CFHR5: variants seen among roughly 807,000 people sequenced by gnomAD.
CFHR5 encodes the protein complement factor H-related protein 5.
In CFHR5, 73 loss-of-function variants were observed where a neutral mutation model predicts 62.9. That is an observed-to-expected ratio of 1.16 (90% CI 0.96 to 1.41). The LOEUF (loss-of-function observed/expected upper bound fraction) is 1.41, where lower values mean the gene tolerates loss of function less well. CFHR5 is among the 40% of genes most tolerant of loss of function. The pLI, the probability that CFHR5 is intolerant of heterozygous loss-of-function variation, is 0.00. For missense variants in CFHR5, 779 were observed against 679.9 expected, an observed-to-expected ratio of 1.15 and a Z score of -1.62; for synonymous variants, 249 against 227.2, an observed-to-expected ratio of 1.10 and a Z score of -0.86.
Position 196,996,063 on chromosome 1 carries a change from G to C in CFHR5, c.832G>C (p.Gly278Arg). 6.2e-7 allele frequency: 1 copy of C among 1,613,802 alleles called. No individual in the cohort carries two copies. Among genetic ancestry groups the C allele is most frequent in the Non-Finnish European group, 8.5e-7 (1 of 1,179,810 alleles). ...TCGYIPELEY[G>R]YVQPSVPPYQ... ...TGGATACATACCTGAACTCGAGTAC[G>C]GTTATGTTCAGCCGTCTGTCCCTCC... Residue 278 changes from glycine to arginine, a missense_variant, in exon 6 of 10, where the codon GGT becomes CGT. Gly to Arg is a moderately radical substitution (Grantham distance 125). Transcript: ENST00000256785.
chr1:197,008,622 C>T lies in CFHR5; in HGVS notation c.1649C>T (p.Ser550Leu), dbSNP rs890060392. The T allele has an allele frequency of 1.9e-6, 3 of 1,613,672 alleles. No homozygotes were observed. Among genetic ancestry groups the T allele is most frequent in the Non-Finnish European group, 2.5e-6 (3 of 1,179,792 alleles). Residue 550 changes from serine to leucine, a missense_variant, in exon 10 of 10, where the codon TCA (serine) becomes TTA (leucine). By Grantham distance (145) the Ser-to-Leu change is moderately radical. Coordinates refer to ENST00000256785, the MANE Select transcript of CFHR5 (RefSeq NM_030787.4). ...AAATTCCCACATAAAGCGATGATAT[C>T]ATCACCACCATTTCGAGCAATCTGT... The part of the protein sequence containing the change: ...QCKFPHKAMI[S>L]SPPFRAICQE...
At chr1:197,007,784 T>A (rs867988349) in intron 9 of CFHR5, among the ~76,000 whole-genome samples, 12 of 147,208 alleles carry the variant, frequency 8.2e-5, no homozygotes, top group Non-Finnish European at 1.8e-4. Context: ...ATGTATAATA[T>A]ATTATATTAT....
chr1:196,990,794 G>T (rs1480035481), intron 3 of CFHR5, among the ~76,000 whole-genome samples: 2 of 152,088 alleles, frequency 1.3e-5, no homozygotes, highest in African/African-American at 2.4e-5. Flanking sequence ...CTCTCTGGCT[G>T]CCATTAACAT....
In CFHR5 at chr1:196,983,914, T is replaced by A. The variant is rs1039021834; in HGVS notation, c.254-47T>A. 8.8e-6 allele frequency: 12 copies of A among 1,360,604 alleles called. No individual in the cohort carries two copies. The African/African-American group carries it at 1.4e-4, about 16-fold the overall frequency. 84.3% of individuals were successfully genotyped at this position (1,360,604 alleles called of 1,614,324 possible). A position where few individuals can be genotyped will look rare whatever the true frequency, so the allele number is the denominator to read the frequency against. ...TTAATGAAATATTTTTAAATGCACT[T>A]TTTTTGCTACTTCCATCTTGTACAT... On this transcript the variant is annotated intron_variant, in intron 2 of 9. Coordinates refer to ENST00000256785, the MANE Select transcript of CFHR5 (RefSeq NM_030787.4).
chr1:196,975,745 A>C (rs991586078), upstream of CFHR5, among the ~76,000 whole-genome samples: 3 of 152,214 alleles, frequency 2.0e-5, no homozygotes, highest in Admixed American at 6.5e-5. Context: ...TCATTAATTT[A>C]AAGCAAGGCA....
At chr1:196,992,238 C>G (rs1653865487) in intron 3 of CFHR5, among the ~76,000 whole-genome samples, 1 of 152,172 alleles carries the variant, frequency 6.6e-6, no homozygotes, top group African/African-American at 2.4e-5. Flanking sequence ...GGAGACTGGA[C>G]ACACCACTAA....
At chr1:196,988,760 A>T (rs1468011365) in intron 3 of CFHR5, among the ~76,000 whole-genome samples, 1 of 152,068 alleles carries the variant, frequency 6.6e-6, no homozygotes, top group Non-Finnish European at 1.5e-5. Flanking sequence ...GTGCTGCTGG[A>T]TTTGGTTTGC....
chr1:196,999,517 G>A (rs1654076527), intron 7 of CFHR5, among the ~76,000 whole-genome samples: 1 of 150,904 alleles, frequency 6.6e-6, no homozygotes, highest in Non-Finnish European at 1.5e-5. Context: ...TTCATTTTGG[G>A]TAAGCAAATA....
intron 1 of CFHR5, among the ~76,000 whole-genome samples, chr1:196,980,407 G>A (rs1653508829): frequency 6.6e-6 from 1 of 152,058 alleles, no homozygotes. Context: ...AATGCTGTAA[G>A]TTTGTTTATA....
chr1:197,008,142 A>T (rs960620065), intron 9 of CFHR5, among the ~76,000 whole-genome samples: 6 of 151,094 alleles, frequency 4.0e-5, no homozygotes, highest in Non-Finnish European at 7.4e-5. Flanking sequence ...ATAAAAAGGG[A>T]TATCTAAACA....
Position 196,996,034 on chromosome 1 carries a change from C to T in CFHR5, c.803C>T (p.Thr268Ile). 1 of 1,613,714 alleles carries T rather than the reference C, an allele frequency of 6.2e-7. No individual in the cohort carries two copies. ...TLPTCVEQVK[T>I]CGYIPELEYG... ...TACATTTTCTTAGAACAAGTGAAAA[C>T]ATGTGGATACATACCTGAACTCGAG... The change falls in exon 6 of 10, where the codon ACA becomes ATA. Residue 268 changes from threonine to isoleucine, a missense_variant. Thr to Ile is a moderately conservative substitution (Grantham distance 89, BLOSUM62 -1). Coordinates refer to ENST00000256785, the MANE Select transcript of CFHR5 (RefSeq NM_030787.4).
chr1:196,998,400 G>A, intron 7 of CFHR5, 96 bp downstream of exon 7: 5 of 1,023,762 alleles, frequency 4.9e-6, no homozygotes, highest in Non-Finnish European at 5.9e-6. Context: ...TATTTATTGT[G>A]GCATATAATT....
intron 3 of CFHR5, among the ~76,000 whole-genome samples, chr1:196,987,524 T>G (rs1571515588): frequency 6.6e-6 from 1 of 152,230 alleles, no homozygotes; most frequent in East Asian, 1.9e-4. Flanking sequence ...TAATCCATCT[T>G]GAATTAATTT....
intron 3 of CFHR5, among the ~76,000 whole-genome samples, chr1:196,987,842 G>A (rs182489671): frequency 6.6e-6 from 1 of 152,214 alleles, no homozygotes. Context: ...GGATTGTCTT[G>A]GCAATGCAGC....
intron 7 of CFHR5, among the ~76,000 whole-genome samples, chr1:197,000,652 T>C (rs1654129600): frequency 6.6e-6 from 1 of 152,184 alleles, no homozygotes; most frequent in Non-Finnish European, 1.5e-5. Context: ...CACTGGGACA[T>C]CTAGGAGGCT....
At position 197,002,520 on chromosome 1, in the gene CFHR5, C is replaced by G; in HGVS notation, c.1186C>G (p.Pro396Ala). The G allele has an allele frequency of 6.2e-7, 1 of 1,613,492 alleles. No individual in the cohort carries two copies. Among genetic ancestry groups the G allele is most frequent in the Non-Finnish European group, 8.5e-7 (1 of 1,179,720 alleles). Residue 396 changes from proline (P) to alanine (A), a missense_variant, in exon 8 of 10, where the codon CCT becomes GCT. By Grantham distance (27) the Pro-to-Ala change is conservative. Coordinates refer to ENST00000256785, the MANE Select transcript of CFHR5 (RefSeq NM_030787.4). Reference sequence around the variant, plus strand: ...ATTCTGCCCACCGCCACCTCAGATACCTAATGCTCAGAATATGACAACCAC... The same window carrying G: ...ATTCTGCCCACCGCCACCTCAGATAGCTAATGCTCAGAATATGACAACCAC... ...EQFCPPPPQI[P>A]NAQNMTTTVN... is the part of the protein sequence containing the mutation.
chr1:196,975,278 T>C (rs1653370792), upstream of CFHR5, among the ~76,000 whole-genome samples: 2 of 152,184 alleles, frequency 1.3e-5, no homozygotes, highest in African/African-American at 4.8e-5. Flanking sequence ...GTAGATAACA[T>C]TGGAGTCATC....
chr1:196,983,983 G>GA lies in CFHR5; in HGVS notation c.281dup (p.Asn94LysfsTer5), dbSNP rs748590126. The stretch of plus-strand genomic sequence containing the variant: ...TAGGAATGTGTTCCTTTCCTTTTGT[G>GA]AAAAATGGTCATTCTGAATCTTCAG... On this transcript the variant is annotated frameshift_variant, in exon 3 of 10. Transcript: ENST00000256785. LOFTEE classifies it high-confidence loss of function. The GA allele has an allele frequency of 1.4e-5, 23 of 1,609,948 alleles. No homozygotes were observed. The South Asian group carries it at 2.5e-4, about 18-fold the overall frequency.
chr1:196,980,032 C>G (rs1553313050), intron 1 of CFHR5, among the ~76,000 whole-genome samples: 1 of 151,940 alleles, frequency 6.6e-6, no homozygotes, highest in Non-Finnish European at 1.5e-5. Flanking sequence ...TATTTACCTT[C>G]TACACCTTTT....
Sources: gnomAD v4.1 joint callset for allele counts (sites outside exome capture counted in the v4.1 genomes callset) on GRCh38, gnomAD v4.1.1 for gene constraint, MANE v1.5 for transcripts, NCBI Gene and HGNC (gene_info 2026-07-23, HGNC 2026-07-21) for gene names.